The following ESR1 variants were observed in gnomAD, a reference collection of about 807,000 sequenced individuals.
ESR1 encodes the protein estrogen receptor.
ESR1 carries 12 observed loss-of-function variants against 52.7 expected under a neutral mutation model. The ratio of observed to expected loss-of-function variants is 0.23; its 90% CI spans 0.15 to 0.37. ESR1 has a LOEUF of 0.37. Ranked by LOEUF, ESR1 falls within the 10% of genes least tolerant of loss-of-function variation. ESR1 has a pLI of 1.00. For missense variants in ESR1, 584 were observed against 779.7 expected, an observed-to-expected ratio of 0.75 and a Z score of 2.99; for synonymous variants, 305 against 316.8, an observed-to-expected ratio of 0.96 and a Z score of 0.39.
intron 4 of ESR1, among the ~76,000 whole-genome samples, chr6:151,980,345 T>G (rs1378517412): frequency 6.6e-6 from 1 of 152,222 alleles, no homozygotes; most frequent in Non-Finnish European, 1.5e-5. Context: ...TCCCAGTCTC[T>G]TCTCTCTTTG....
At chr6:152,106,007 A>G (rs1165364957), downstream of ESR1, among the ~76,000 whole-genome samples, 7 of 148,680 alleles carry the variant, frequency 4.7e-5, no homozygotes, top group Admixed American at 4.7e-4. Flanking sequence ...GTTAGCCAGG[A>G]TGGTCTCGAT....
chr6:151,921,692 A>G (rs867368660), intron 3 of ESR1, among the ~76,000 whole-genome samples: 3 of 152,132 alleles, frequency 2.0e-5, no homozygotes, highest in Non-Finnish European at 4.4e-5. Context: ...ATGATCAGTG[A>G]TGTTGAGCTT....
chr6:151,876,557 A>C (rs139140562), intron 2 of ESR1, among the ~76,000 whole-genome samples: 2,365 of 152,286 alleles, frequency 0.016, 28 homozygotes, highest in Admixed American at 0.037. Flanking sequence ...GTGTAATGAC[A>C]ACAAAGCCAA....
intron 1 of ESR1, among the ~76,000 whole-genome samples, chr6:151,833,888 G>A (rs1033873486): frequency 1.3e-5 from 2 of 152,122 alleles, no homozygotes; most frequent in East Asian, 3.8e-4. Context: ...TGATGTTGGG[G>A]AGGGGTGAGT....
intron 6 of ESR1, among the ~76,000 whole-genome samples, chr6:152,078,850 C>A (rs150766371): frequency 7.9e-5 from 12 of 152,358 alleles, no homozygotes; most frequent in African/African-American, 2.9e-4. Flanking sequence ...GGGTCACACG[C>A]CCATGGAGAC....
chr6:151,886,505 A>C (rs925915293), intron 3 of ESR1, among the ~76,000 whole-genome samples: 3 of 152,252 alleles, frequency 2.0e-5, no homozygotes, highest in African/African-American at 7.2e-5. Flanking sequence ...AAATCCAAAA[A>C]TTAACGGGAT....
chr6:151,991,653 C>CA (rs1024076881), intron 4 of ESR1, among the ~76,000 whole-genome samples: 22 of 152,140 alleles, frequency 1.4e-4, no homozygotes, highest in Non-Finnish European at 5.9e-5. Flanking sequence ...AGACTTGTCT[C>CA]AATGGCATGA....
At chr6:151,701,667 T>C (rs11967900) in intron 1 of ESR1, among the ~76,000 whole-genome samples, 6,198 of 152,090 alleles carry the variant, frequency 0.041, 412 homozygotes, top group African/African-American at 0.14. Context: ...GCTTAAGCCC[T>C]ACTCAGCTTT....
At chr6:151,966,038 G>T (rs1281668460) in intron 4 of ESR1, among the ~76,000 whole-genome samples, 1 of 152,010 alleles carries the variant, frequency 6.6e-6, no homozygotes, top group Non-Finnish European at 1.5e-5. Flanking sequence ...ATCTTTCGTG[G>T]ATTCCTTTTC....
intron 1 of ESR1, among the ~76,000 whole-genome samples, chr6:151,681,896 C>CT (rs1003463119): frequency 9.9e-5 from 15 of 152,266 alleles, no homozygotes; most frequent in African/African-American, 3.1e-4. Flanking sequence ...GGAAGACCTG[C>CT]TCACCACGAG....
intron 4 of ESR1, among the ~76,000 whole-genome samples, chr6:151,946,012 T>C (rs765015639): frequency 1.3e-5 from 2 of 152,220 alleles, no homozygotes; most frequent in African/African-American, 2.4e-5. Context: ...TCTGGTCATC[T>C]TCAGAATGAA....
At chr6:152,107,136 G>C (rs2051076792), downstream of ESR1, among the ~76,000 whole-genome samples, 1 of 152,010 alleles carries the variant, frequency 6.6e-6, no homozygotes, top group Admixed American at 6.6e-5. Context: ...AGTGATGTTT[G>C]TCATCAAACT....
chr6:151,805,503 C>G (rs966841287), upstream of ESR1: 1 of 152,584 alleles, frequency 6.6e-6, no homozygotes, highest in African/African-American at 2.4e-5. Context: ...CCCAGTACAG[C>G]TTTCTCTGGC....
In ESR1 at chr6:152,043,491, A is replaced by G. The variant is rs557290360; in HGVS notation, c.1236-17500A>G. Among the ~76,000 whole-genome samples the G allele has an allele frequency of 1.3e-4, 20 of 152,286 alleles. No individual in the cohort carries two copies. The South Asian group carries it at 3.9e-3, about 30-fold the overall frequency. On this transcript the variant is annotated intron_variant, in intron 5 of 7. Coordinates refer to ENST00000206249, the MANE Select transcript of ESR1 (RefSeq NM_000125.4). ...CCTTGTGGGTCACATTCTGAACCTC[A>G]TCTCTAAGGGGCCTGCCGGGACTTT...
At chr6:151,828,490 G>A (rs1781870522) in intron 1 of ESR1, among the ~76,000 whole-genome samples, 1 of 152,172 alleles carries the variant, frequency 6.6e-6, no homozygotes, top group Non-Finnish European at 1.5e-5. Flanking sequence ...AAAAACATGA[G>A]CCAAGGCATA....
chr6:152,078,854 T>C (rs2048961893), intron 6 of ESR1, among the ~76,000 whole-genome samples: 1 of 152,220 alleles, frequency 6.6e-6, no homozygotes, highest in Non-Finnish European at 1.5e-5. Context: ...CACACGCCCA[T>C]GGAGACTTGC....
At chr6:151,763,399 C>T (rs543368272) in intron 2 of ESR1, among the ~76,000 whole-genome samples, 1 of 152,158 alleles carries the variant, frequency 6.6e-6, no homozygotes, top group East Asian at 1.9e-4. Context: ...GCATATTGAG[C>T]GATTCCAACC....
chr6:151,808,524 G>A (rs1000636215), intron 1 of ESR1, among the ~76,000 whole-genome samples, 160 bp downstream of exon 1: 1 of 152,114 alleles, frequency 6.6e-6, no homozygotes, highest in East Asian at 1.9e-4. Context: ...CAGCCCGGGG[G>A]TTCTGCGTGC....
intron 3 of ESR1, among the ~76,000 whole-genome samples, chr6:151,884,653 C>G (rs1793547074): frequency 6.6e-6 from 1 of 152,230 alleles, no homozygotes; most frequent in African/African-American, 2.4e-5. Flanking sequence ...CTTACTGCCT[C>G]TGAAAATCCC....
Sources: allele counts gnomAD v4.1 joint callset (sites outside exome capture counted in the v4.1 genomes callset), GRCh38; gene constraint gnomAD v4.1.1; transcripts MANE v1.5; gene names NCBI Gene and HGNC (gene_info 2026-07-23, HGNC 2026-07-21).